SENP6: variants seen among roughly 807,000 people sequenced by gnomAD.
SENP6 encodes the protein sentrin-specific protease 6.
SENP6 carries 41 observed loss-of-function variants against 134.5 expected under a neutral mutation model. The ratio of observed to expected loss-of-function variants is 0.30; its 90% CI spans 0.24 to 0.40. SENP6 has a LOEUF of 0.40. Ranked by LOEUF, SENP6 falls within the 10% of genes least tolerant of loss-of-function variation. The pLI, the probability that SENP6 is intolerant of heterozygous loss-of-function variation, is 1.00. For missense variants in SENP6, 1,248 were observed against 1,312.5 expected (o/e 0.95, Z 0.76); for synonymous variants, 395 against 429.8 (o/e 0.92, Z 1.00).
intron 3 of SENP6, among the ~76,000 whole-genome samples, chr6:75,626,244 G>T (rs1226090698): frequency 6.6e-6 from 1 of 151,834 alleles, no homozygotes; most frequent in Non-Finnish European, 1.5e-5. Context: ...TATCTCAAAA[G>T]AAGTAATTTT....
chr6:75,654,500 T>G (rs1308132367), intron 7 of SENP6, among the ~76,000 whole-genome samples: 55 of 152,330 alleles, frequency 3.6e-4, no homozygotes. Context: ...AAGTATAGTA[T>G]TTAGCCAGAA....
In SENP6 at chr6:75,666,915, C is replaced by G. The variant is rs754346919; in HGVS notation, c.1198C>G (p.Pro400Ala). The change falls in exon 10 of 24, where the codon CCA becomes GCA. Residue 400 changes from proline to alanine, a missense_variant. Pro to Ala is a conservative substitution (Grantham distance 27, BLOSUM62 -1). This residue lies in a region of SENP6 where 733 missense variants were observed against 725.4 expected (regional missense o/e 1.01). Transcript: ENST00000447266. ...CTCAGAGTTAAATACAGTTACATTG[C>G]CAAGAAAAGCAAGAATGAAAGACCA... Reference protein sequence around the residue: ...EDSELNTVTLPRKARMKDQFG... With the variant: ...EDSELNTVTLARKARMKDQFG... 5 of 1,599,476 alleles carry G rather than the reference C, an allele frequency of 3.1e-6. No individual in the cohort carries two copies. The highest frequency in any genetic ancestry group is 4.3e-6 in the Non-Finnish European group (5 of 1,169,252).
In SENP6 at chr6:75,677,088, T is replaced by G. The variant is rs1307807552; in HGVS notation, c.1680T>G (p.Asn560Lys). 1 of 1,605,422 alleles carries G rather than the reference T, an allele frequency of 6.2e-7. No homozygotes were observed. The highest frequency in any genetic ancestry group is 8.5e-7 in the Non-Finnish European group (1 of 1,173,274). The change falls in exon 14 of 24, where the codon AAT (asparagine) becomes AAG (lysine). Residue 560 changes from asparagine (N) to lysine (K), a missense_variant. Coordinates refer to ENST00000447266, the MANE Select transcript of SENP6 (RefSeq NM_015571.4). Reference sequence around the variant, plus strand: ...AAAATGGCCTTGATCCTCCGGCAAATATGGTATTTGAAAGTATCATTAATG... The same window carrying G: ...AAAATGGCCTTGATCCTCCGGCAAAGATGGTATTTGAAAGTATCATTAATG... ...IFQNGLDPPANMVFESIINEI... is the reference protein window; with the variant it reads ...IFQNGLDPPAKMVFESIINEI...
chr6:75,630,512 A>T (rs780148460), intron 3 of SENP6, among the ~76,000 whole-genome samples: 2 of 152,152 alleles, frequency 1.3e-5, no homozygotes, highest in Non-Finnish European at 2.9e-5. Flanking sequence ...AATTTTGCAT[A>T]TCTCACAGAG....
At chr6:75,694,171 G>A (rs191257964) in intron 16 of SENP6, among the ~76,000 whole-genome samples, 28 of 152,222 alleles carry the variant, frequency 1.8e-4, no homozygotes, top group Admixed American at 3.9e-4. Context: ...CAAGAGAATC[G>A]CTTGAACCCG....
At chr6:75,607,896 C>G (rs1166620538) in intron 1 of SENP6, among the ~76,000 whole-genome samples, 3 of 145,774 alleles carry the variant, frequency 2.1e-5, no homozygotes, top group Non-Finnish European at 3.1e-5. Flanking sequence ...CTAACACTGT[C>G]TGTTGAACTA....
intron 6 of SENP6, chr6:75,647,481 CA>C (rs571969914): frequency 5.3e-4 from 148 of 279,002 alleles, no homozygotes; most frequent in Middle Eastern, 1.2e-3. Flanking sequence ...GAATTGTCCT[CA>C]AGACAATCTC....
chr6:75,631,445 T>C (rs1227200303), intron 3 of SENP6, among the ~76,000 whole-genome samples: 3 of 152,242 alleles, frequency 2.0e-5, no homozygotes, highest in Non-Finnish European at 2.9e-5. Context: ...GCTATGCTTA[T>C]TAGTTACTTA....
chr6:75,617,535 C>G (rs964780009), intron 1 of SENP6, among the ~76,000 whole-genome samples: 10 of 152,034 alleles, frequency 6.6e-5, no homozygotes, highest in African/African-American at 2.4e-4. Flanking sequence ...GCCTCCACCT[C>G]CCAAAGTGCT....
chr6:75,610,478 C>T (rs1767360929), intron 1 of SENP6, among the ~76,000 whole-genome samples: 1 of 152,134 alleles, frequency 6.6e-6, no homozygotes, highest in Admixed American at 6.5e-5. Flanking sequence ...GCTACAGTTA[C>T]AGAAAGTGAT....
At chr6:75,609,267 C>A (rs989098747) in intron 1 of SENP6, among the ~76,000 whole-genome samples, 1 of 152,220 alleles carries the variant, frequency 6.6e-6, no homozygotes, top group East Asian at 1.9e-4. Context: ...TACCTCCCCC[C>A]AAAGGAAGGG....
intron 16 of SENP6, among the ~76,000 whole-genome samples, chr6:75,689,406 AC>A (rs963730408): frequency 1.3e-5 from 2 of 152,290 alleles, no homozygotes; most frequent in East Asian, 3.9e-4. Context: ...TAGGATGGCT[AC>A]TATTAAAACA....
chr6:75,671,928 G>A (rs1223777503), intron 11 of SENP6, among the ~76,000 whole-genome samples: 3 of 152,066 alleles, frequency 2.0e-5, no homozygotes, highest in South Asian at 2.1e-4. Flanking sequence ...ATGAGAATCC[G>A]GCAAATTTTT....
chr6:75,668,075 G>T (rs1449148479), intron 10 of SENP6, among the ~76,000 whole-genome samples: 1 of 151,932 alleles, frequency 6.6e-6, no homozygotes, highest in Non-Finnish European at 1.5e-5. Flanking sequence ...TATTAAGATG[G>T]GAACCTTAAA....
chr6:75,683,383 G>A (rs895331863), intron 16 of SENP6, among the ~76,000 whole-genome samples: 2 of 152,010 alleles, frequency 1.3e-5, no homozygotes, highest in African/African-American at 2.4e-5. Context: ...TTTGCCATGC[G>A]GAAGTTCTTT....
chr6:75,654,760 A>G (rs974052303), intron 7 of SENP6, among the ~76,000 whole-genome samples: 1 of 152,240 alleles, frequency 6.6e-6, no homozygotes, highest in South Asian at 2.1e-4. Flanking sequence ...AAAATCTCAA[A>G]TAAGAAAGTT....
chr6:75,643,598 T>TACTCGGGAG (rs1770195491), intron 6 of SENP6, among the ~76,000 whole-genome samples: 1 of 152,188 alleles, frequency 6.6e-6, no homozygotes, highest in Non-Finnish European at 1.5e-5. Flanking sequence ...GGCATGCGCC[T>TACTCGGGAG]GTAATCCCAG....
chr6:75,653,095 A>G (rs1489269079), intron 7 of SENP6, among the ~76,000 whole-genome samples: 2 of 151,754 alleles, frequency 1.3e-5, no homozygotes, highest in African/African-American at 2.4e-5. Flanking sequence ...CAATGGCGCA[A>G]TCTCAGCTCA....
chr6:75,633,280 A>G (rs1373870808), intron 3 of SENP6, among the ~76,000 whole-genome samples: 1 of 152,306 alleles, frequency 6.6e-6, no homozygotes, highest in Non-Finnish European at 1.5e-5. Context: ...GGAAATGCTT[A>G]CTTTTTACTC....
Sources: gnomAD v4.1 joint callset for allele counts (sites outside exome capture counted in the v4.1 genomes callset) on GRCh38, gnomAD v4.1.1 for gene constraint, gnomAD v4.1.1 regional missense constraint, MANE v1.5 for transcripts, NCBI Gene and HGNC (gene_info 2026-07-23, HGNC 2026-07-21) for gene names.